SASH1: variants seen among roughly 807,000 people sequenced by gnomAD.
SASH1 encodes the protein SAM and SH3 domain-containing protein 1.
In SASH1, 44 loss-of-function variants were observed where a neutral mutation model predicts 125.2. The observed-to-expected ratio is 0.35, with a 90% CI of 0.28 to 0.45. SASH1 has a LOEUF of 0.45. SASH1 is among the 20% of genes least tolerant of loss of function. SASH1 has a pLI of 1.00. For missense variants in SASH1, 1,426 were observed against 1,614.5 expected (o/e 0.88, Z 2.00); for synonymous variants, 639 against 649.1 (o/e 0.98, Z 0.24).
Position 148,343,008 on chromosome 6 carries a change from G to C in SASH1, c.-60G>C. 2.7e-6 allele frequency: 3 copies of C among 1,114,960 alleles called. 1 individual carries two copies. Among genetic ancestry groups the C allele is most frequent in the South Asian group, 8.6e-5 (2 of 23,300 alleles). The allele number at this position is 1,114,960 out of a possible 1,614,324, so 69.1% of individuals were successfully genotyped here. ...CCCGGCATCCGGGCAGGCTGCGCGC[G>C]GGTGCGGGGCGAGGGCGCCGCGGGG... On this transcript the variant is annotated 5_prime_UTR_variant, in exon 1 of 20. Transcript: ENST00000367467.
At chr6:148,468,752 A>T (rs9498046) in intron 5 of SASH1, 167 bp downstream of exon 5, 7,315 of 539,460 alleles carry the variant, frequency 0.014, 179 homozygotes, top group Admixed American at 0.093. Flanking sequence ...GTTTTAAAAA[A>T]ATATAATTGT....
intron 2 of SASH1, among the ~76,000 whole-genome samples, chr6:148,436,396 C>G (rs1776291487): frequency 6.6e-6 from 1 of 151,936 alleles, no homozygotes; most frequent in Middle Eastern, 3.4e-3. Flanking sequence ...TCCCAGCTAC[C>G]TGGGAGGCTG....
At chr6:148,390,375 C>G in intron 2 of SASH1, 113 bp downstream of exon 2, 2 of 1,047,464 alleles carry the variant, frequency 1.9e-6, no homozygotes, top group Non-Finnish European at 2.7e-6. Flanking sequence ...CTGTAGGCTG[C>G]TGCACTAGTG....
Position 148,529,420 on chromosome 6 carries a change from A to C in SASH1, c.1428+1824A>C, listed in dbSNP as rs1283495873. Reference sequence around the variant, plus strand: ...ATGATTTTTTTTCTTTATTCTTTTCATTCTCTTGTCCTTGTGGGTGACGGA... The same window carrying C: ...ATGATTTTTTTTCTTTATTCTTTTCCTTCTCTTGTCCTTGTGGGTGACGGA... On this transcript the variant is annotated intron_variant, in intron 12 of 19. Transcript: ENST00000367467. This position sits in a 1 kb window ranked among gnomAD's most constrained non-coding sequence, Gnocchi z 4.2. Among the ~76,000 whole-genome samples the C allele has an allele frequency of 1.3e-5, 2 of 151,986 alleles. No homozygotes were observed. Among genetic ancestry groups the C allele is most frequent in the African/African-American group, 4.8e-5 (2 of 41,376 alleles).
At chr6:148,433,697 T>G (rs969972778) in intron 2 of SASH1, among the ~76,000 whole-genome samples, 41 of 152,224 alleles carry the variant, frequency 2.7e-4, no homozygotes, top group African/African-American at 9.6e-4. Context: ...CCGGCCTGTT[T>G]TAACATTTCT....
intron 2 of SASH1, among the ~76,000 whole-genome samples, chr6:148,396,675 C>T (rs1783966713): frequency 6.6e-6 from 1 of 152,022 alleles, no homozygotes; most frequent in South Asian, 2.1e-4. Context: ...CACCCCCTCT[C>T]CAAGCTGGAG....
chr6:148,523,970 G>A (rs1780971844), intron 10 of SASH1, among the ~76,000 whole-genome samples: 1 of 151,766 alleles, frequency 6.6e-6, no homozygotes, highest in African/African-American at 2.4e-5. Context: ...CTCAGAGAGT[G>A]TAAGTACTTT....
At chr6:148,483,699 A>G (rs1746414836) in intron 7 of SASH1, among the ~76,000 whole-genome samples, 1 of 152,160 alleles carries the variant, frequency 6.6e-6, no homozygotes, top group Admixed American at 6.6e-5. Context: ...CTTTGTGGAG[A>G]CAGCTTCTTT....
chr6:148,446,088 CTTTTTTTTTTTTTTTTTTTTTTTTTTTTT>C (rs576798745), intron 4 of SASH1, among the ~76,000 whole-genome samples: 1 of 71,002 alleles, frequency 1.4e-5, no homozygotes, highest in South Asian at 7.5e-4. Context: ...ACATAGGGTT[CTTTTTTTTTTTTTTTTTTTTTTTTTTTTT>C]TTTTTTTTTG....
intron 1 of SASH1, among the ~76,000 whole-genome samples, chr6:148,374,706 G>A (rs537263536): frequency 1.3e-3 from 138 of 104,166 alleles, no homozygotes; most frequent in African/African-American, 5.7e-3. Context: ...ATTTTTTTTG[G>A]GGGGGGGGGA....
intron 1 of SASH1, among the ~76,000 whole-genome samples, chr6:148,336,966 C>A (rs1310596740): frequency 6.6e-6 from 1 of 152,198 alleles, no homozygotes; most frequent in African/African-American, 2.4e-5. Flanking sequence ...ACATAATGAC[C>A]TAAATAGGCT....
chr6:148,499,057 G>GTT (rs4052628), intron 8 of SASH1, among the ~76,000 whole-genome samples: 9,208 of 126,846 alleles, frequency 0.073, 416 homozygotes, highest in Non-Finnish European at 0.1. Flanking sequence ...TCTTTTTTTT[G>GTT]TTTTTTTTTT....
At chr6:148,387,584 CTTTCTTTCTTTCTT>C (rs1562370926) in intron 1 of SASH1, among the ~76,000 whole-genome samples, 1 of 6,610 alleles carries the variant, frequency 1.5e-4, no homozygotes, top group Non-Finnish European at 2.7e-4. Context: ...TTCTTTCTTT[CTTTCTTTCTTTCTT>C]TCTTTCTTTC....
intron 1 of SASH1, among the ~76,000 whole-genome samples, chr6:148,363,385 G>T (rs1012936561): frequency 6.6e-6 from 1 of 151,632 alleles, no homozygotes; most frequent in Non-Finnish European, 1.5e-5. Context: ...CCAATGATGC[G>T]CCTGCCTGGG....
the SASH1 span, among the ~76,000 whole-genome samples, chr6:148,236,579 C>T: frequency 6.6e-6 from 1 of 152,098 alleles, no homozygotes; most frequent in African/African-American, 2.4e-5. Flanking sequence ...AGAGTCAGTT[C>T]GTAAGGATGG....
At chr6:148,466,253 G>A (rs1423458952) in intron 4 of SASH1, among the ~76,000 whole-genome samples, 1 of 152,158 alleles carries the variant, frequency 6.6e-6, no homozygotes, top group Non-Finnish European at 1.5e-5. Context: ...TTTCTCCCCT[G>A]ATTCTGTTCT....
At chr6:148,237,182 C>A in the SASH1 span, among the ~76,000 whole-genome samples, 1 of 142,658 alleles carries the variant, frequency 7.0e-6, no homozygotes, top group Non-Finnish European at 1.5e-5. Flanking sequence ...GTTTTATCTG[C>A]ATTTTTTTTT....
chr6:148,469,305 C>T (rs79381757), intron 5 of SASH1, among the ~76,000 whole-genome samples: 10,642 of 152,230 alleles, frequency 0.07, 489 homozygotes, highest in Non-Finnish European at 0.1. Flanking sequence ...TAAATGAAAT[C>T]TTGCCATTAG....
intron 1 of SASH1, among the ~76,000 whole-genome samples, chr6:148,371,871 A>G (rs898805328): frequency 6.6e-6 from 1 of 152,124 alleles, no homozygotes; most frequent in Non-Finnish European, 1.5e-5. Context: ...TTGTGGCCTG[A>G]GTTTGCTCCT....
Sources: allele counts gnomAD v4.1 joint callset (sites outside exome capture counted in the v4.1 genomes callset), GRCh38; gene constraint gnomAD v4.1.1; non-coding constraint Gnocchi (gnomAD v3.1); transcripts MANE v1.5; gene names NCBI Gene and HGNC (gene_info 2026-07-23, HGNC 2026-07-21).